CFAP91: variants seen among roughly 807,000 people sequenced by gnomAD.
The protein encoded by CFAP91 is cilia and flagella associated protein 91.
A neutral mutation model predicts 95.9 loss-of-function variants in CFAP91; 85 were observed. That is an observed-to-expected ratio of 0.89 (90% CI 0.74 to 1.06). CFAP91 has a LOEUF of 1.06. CFAP91 is among the 50% of genes least tolerant of loss of function. The pLI, the probability that CFAP91 is intolerant of heterozygous loss-of-function variation, is 0.00. For missense variants in CFAP91, 962 were observed against 943.4 expected (o/e 1.02, Z -0.26); for synonymous variants, 335 against 327.5 (o/e 1.02, Z -0.25).
At position 119,707,293 on chromosome 3, in the gene CFAP91, T is replaced by G. The variant is rs550242291; in HGVS notation, c.202-111T>G. 677 of 812,540 alleles carry G rather than the reference T, an allele frequency of 8.3e-4. 5 individuals are homozygous for G. The South Asian group carries it at 0.014, about 17-fold the overall frequency. The allele number at this position is 812,540 out of a possible 1,614,324, so 50.3% of individuals were successfully genotyped here. A position where few individuals can be genotyped will look rare whatever the true frequency, so the allele number is the denominator to read the frequency against. Reference sequence around the variant, plus strand: ...CATACAGCAATAACCCCTCTTCTTATGCTGTATACATTGTTTTGTATGTTT... The same window carrying G: ...CATACAGCAATAACCCCTCTTCTTAGGCTGTATACATTGTTTTGTATGTTT... On this transcript the variant is annotated intron_variant, in intron 2 of 17. Transcript: ENST00000273390.
At chr3:119,710,022 T>C in intron 5 of CFAP91, 127 bp downstream of exon 5, 1 of 715,462 alleles carries the variant, frequency 1.4e-6, no homozygotes, top group Non-Finnish European at 2.4e-6. Context: ...TAGAAGGGTA[T>C]GAAATCTTCT....
At chr3:119,762,680 A>G (rs2054558730) in intron 17 of CFAP91, among the ~76,000 whole-genome samples, 1 of 152,060 alleles carries the variant, frequency 6.6e-6, no homozygotes, top group Non-Finnish European at 1.5e-5. Context: ...TTTGTGGTCA[A>G]TTGATTTTTG....
At chr3:119,758,771 T>G (rs2054479928) in intron 17 of CFAP91, among the ~76,000 whole-genome samples, 1 of 151,928 alleles carries the variant, frequency 6.6e-6, no homozygotes. Flanking sequence ...AGGGATGAGA[T>G]GAGATAGGGA....
rs986476550 is a variant in CFAP91, at chr3:119,765,784, C to T, written c.*734C>T. ...GACTGTCAAATAGGAAAAAAGAAAA[C>T]AGTAAATGAACAAAAACATCAACAT... On this transcript the variant is annotated 3_prime_UTR_variant, in exon 18 of 18. Coordinates refer to ENST00000273390, the MANE Select transcript of CFAP91 (RefSeq NM_033364.4). 9 of 152,110 alleles carry T rather than the reference C, an allele frequency of 5.9e-5. No individual in the cohort carries two copies. The East Asian group carries it at 1.7e-3, about 29-fold the overall frequency. The allele number at this position is 152,110 out of a possible 1,614,324, so 9.4% of individuals were successfully genotyped here.
At chr3:119,744,619 T>A (rs28697000) in intron 14 of CFAP91, among the ~76,000 whole-genome samples, 6,167 of 152,134 alleles carry the variant, frequency 0.041, 419 homozygotes, top group African/African-American at 0.14. Context: ...GTTTCGGGCT[T>A]AAGCAGCTGG....
intron 17 of CFAP91, among the ~76,000 whole-genome samples, chr3:119,763,231 T>C (rs568971296): frequency 6.6e-6 from 1 of 152,080 alleles, no homozygotes; most frequent in South Asian, 2.1e-4. Context: ...TGCCCAACAT[T>C]ACTAATCGTT....
At chr3:119,718,271 G>T (rs1160068258) in intron 6 of CFAP91, among the ~76,000 whole-genome samples, 1 of 152,190 alleles carries the variant, frequency 6.6e-6, no homozygotes, top group Non-Finnish European at 1.5e-5. Context: ...TGGGAGTCAT[G>T]AAAAAGAACC....
intron 13 of CFAP91, among the ~76,000 whole-genome samples, chr3:119,742,443 C>A (rs1379402514): frequency 6.6e-6 from 1 of 152,208 alleles, no homozygotes; most frequent in Non-Finnish European, 1.5e-5. Flanking sequence ...CCTCCCTAAA[C>A]ATTTCCCTTA....
Position 119,751,062 on chromosome 3 carries a change from C to T in CFAP91, c.2269C>T (p.Leu757Phe), listed in dbSNP as rs554250790. 3.1e-6 allele frequency: 5 copies of T among 1,608,966 alleles called. No homozygotes were observed. Among genetic ancestry groups the T allele is most frequent in the Non-Finnish European group, 4.2e-6 (5 of 1,178,360 alleles). ...TGAGGCCTCAAATGCTGCCATGTTA[C>T]TTGAGAAAGAAACTCAAAATGAGAA... ...QDEASNAAML[L>F]EKETQNENNS The change falls in exon 17 of 18, where the codon CTT becomes TTT. Residue 757 changes from leucine to phenylalanine, a missense_variant. Physicochemically the swap from Leu to Phe is conservative, Grantham distance 22 (BLOSUM62 0). Transcript: ENST00000273390.
intron 10 of CFAP91, among the ~76,000 whole-genome samples, chr3:119,736,720 T>G (rs2054016274): frequency 6.6e-6 from 1 of 152,226 alleles, no homozygotes; most frequent in Non-Finnish European, 1.5e-5. Context: ...TCTCAGTACT[T>G]CATTCTTTTT....
At chr3:119,712,205 C>G (rs777734069) in intron 5 of CFAP91, among the ~76,000 whole-genome samples, 11 of 152,158 alleles carry the variant, frequency 7.2e-5, no homozygotes, top group African/African-American at 2.4e-4. Context: ...TTTTACTCTC[C>G]CCTAAAGCCA....
At chr3:119,761,668 C>T (rs991144176) in intron 17 of CFAP91, among the ~76,000 whole-genome samples, 2 of 151,788 alleles carry the variant, frequency 1.3e-5, no homozygotes, top group African/African-American at 2.4e-5. Flanking sequence ...CCTACAGATG[C>T]AAGAATGGCT....
At chr3:119,745,503 TACAC>T (rs1332486224) in intron 14 of CFAP91, among the ~76,000 whole-genome samples, 1 of 152,200 alleles carries the variant, frequency 6.6e-6, no homozygotes, top group Non-Finnish European at 1.5e-5. Context: ...TTCACATACA[TACAC>T]GCACAAACGT....
At chr3:119,720,903 A>G (rs2053671522) in intron 6 of CFAP91, among the ~76,000 whole-genome samples, 1 of 151,994 alleles carries the variant, frequency 6.6e-6, no homozygotes, top group East Asian at 1.9e-4. Flanking sequence ...TAGTTATTAT[A>G]CTGTATTGTT....
At chr3:119,738,686 G>A (rs538665133) in intron 11 of CFAP91, among the ~76,000 whole-genome samples, 1 of 152,046 alleles carries the variant, frequency 6.6e-6, no homozygotes, top group Non-Finnish European at 1.5e-5. Flanking sequence ...TAATGTCATC[G>A]ATTAGACTGC....
chr3:119,762,930 A>G (rs887939437), intron 17 of CFAP91, among the ~76,000 whole-genome samples: 9 of 151,942 alleles, frequency 5.9e-5, no homozygotes, highest in African/African-American at 2.2e-4. Context: ...TTTGGATATG[A>G]CTCAAAAGCA....
chr3:119,748,352 T>C (rs558573805), intron 16 of CFAP91, among the ~76,000 whole-genome samples: 6 of 152,352 alleles, frequency 3.9e-5, no homozygotes, highest in African/African-American at 1.4e-4. Flanking sequence ...ATAGCTTATT[T>C]CTGCTGGAAC....
chr3:119,711,442 C>T (rs7638068), intron 5 of CFAP91, among the ~76,000 whole-genome samples: 21,040 of 152,138 alleles, frequency 0.14, 1,683 homozygotes, highest in African/African-American at 0.22. Flanking sequence ...GTCATAACTG[C>T]CTCAGTCTAA....
chr3:119,756,182 C>T (rs2054424052), intron 17 of CFAP91, among the ~76,000 whole-genome samples: 2 of 151,884 alleles, frequency 1.3e-5, no homozygotes, highest in Non-Finnish European at 2.9e-5. Context: ...AAAGAAAAAC[C>T]TTTAAAAGCA....
Sources: allele counts gnomAD v4.1 joint callset (sites outside exome capture counted in the v4.1 genomes callset), GRCh38; gene constraint gnomAD v4.1.1; transcripts MANE v1.5; gene names NCBI Gene and HGNC (gene_info 2026-07-23, HGNC 2026-07-21).